VAV3: variants seen among roughly 807,000 people sequenced by gnomAD.
VAV3 encodes the protein vav guanine nucleotide exchange factor 3.
Under a neutral mutation model 131.2 loss-of-function variants are expected in VAV3, and 94 were observed. The observed-to-expected ratio is 0.72, with a 90% CI of 0.61 to 0.85. VAV3 has a LOEUF of 0.85. Ranked by LOEUF, VAV3 falls within the 40% of genes least tolerant of loss-of-function variation. The pLI is 0.00. For synonymous variants in VAV3, 349 were observed against 342.0 expected, an observed-to-expected ratio of 1.02 and a Z score of -0.22; for missense variants, 939 against 1,002.7, an observed-to-expected ratio of 0.94 and a Z score of 0.86.
intron 2 of VAV3, among the ~76,000 whole-genome samples, chr1:107,824,921 G>T (rs77646655): frequency 0.084 from 12,731 of 151,888 alleles, 730 homozygotes; most frequent in Non-Finnish European, 0.13. Context: ...AGAACCCACA[G>T]ATGCTGAAGA....
At position 107,964,923 on chromosome 1, in the gene VAV3, GCC is replaced by G. The variant is rs1356786430; in HGVS notation, c.-56_-55del. 2.3e-5 allele frequency: 23 copies of G among 985,856 alleles called. No homozygotes were observed. Among genetic ancestry groups the G allele is most frequent in the Non-Finnish European group, 2.5e-5 (21 of 828,772 alleles). 61.1% of individuals were successfully genotyped at this position (985,856 alleles called of 1,614,324 possible). A position where few individuals can be genotyped will look rare whatever the true frequency, so the allele number is the denominator to read the frequency against. On this transcript the variant is annotated 5_prime_UTR_variant, in exon 1 of 27. Coordinates refer to ENST00000370056, the MANE Select transcript of VAV3 (RefSeq NM_006113.5). ...CGGGGCGGGCGGCAAGGATGCGGCC[GCC>G]GCCGCCGCCGCCGCGGTTCCTCCGC...
intron 20 of VAV3, among the ~76,000 whole-genome samples, chr1:107,638,412 A>G (rs1655090466): frequency 6.6e-6 from 1 of 152,230 alleles, no homozygotes. Context: ...ATAAATTAAA[A>G]TATTAAAACT....
At chr1:107,586,907 A>G (rs1464730088) in intron 25 of VAV3, among the ~76,000 whole-genome samples, 1 of 152,156 alleles carries the variant, frequency 6.6e-6, no homozygotes, top group Admixed American at 6.5e-5. Flanking sequence ...ATAAAAGAAA[A>G]AAACTTAATT....
chr1:107,673,170 C>G (rs1329715234), intron 19 of VAV3, among the ~76,000 whole-genome samples: 1 of 152,118 alleles, frequency 6.6e-6, no homozygotes, highest in African/African-American at 2.4e-5. Context: ...TTCCTTTTTT[C>G]TGAAGAGTAT....
At chr1:107,929,224 C>G (rs1025767820) in intron 1 of VAV3, among the ~76,000 whole-genome samples, 1 of 140,630 alleles carries the variant, frequency 7.1e-6, no homozygotes, top group African/African-American at 2.7e-5. Flanking sequence ...GGAGGCAGAG[C>G]TTGCAGTGAG....
chr1:107,777,179 A>G, intron 4 of VAV3, 52 bp downstream of exon 4: 3 of 1,505,186 alleles, frequency 2.0e-6, no homozygotes, highest in Non-Finnish European at 2.8e-6. Flanking sequence ...AAAACCCACA[A>G]TGGACACATA....
intron 15 of VAV3, among the ~76,000 whole-genome samples, chr1:107,710,678 T>C (rs971594853): frequency 2.6e-5 from 4 of 152,142 alleles, no homozygotes; most frequent in African/African-American, 9.6e-5. Flanking sequence ...AGCCTACTAC[T>C]TAAGTTAATC....
At chr1:107,846,211 A>G (rs1668958946) in intron 2 of VAV3, among the ~76,000 whole-genome samples, 2 of 152,228 alleles carry the variant, frequency 1.3e-5, no homozygotes, top group South Asian at 4.1e-4. Flanking sequence ...CTTCATAAGC[A>G]AAGGAGAAAC....
chr1:107,857,844 C>T (rs550235431), intron 2 of VAV3, among the ~76,000 whole-genome samples: 39 of 152,030 alleles, frequency 2.6e-4, no homozygotes, highest in Non-Finnish European at 5.0e-4. Context: ...CCTTTTAGAT[C>T]AGCTGGAGTT....
At chr1:107,951,435 G>A (rs1674528561) in intron 1 of VAV3, among the ~76,000 whole-genome samples, 2 of 152,104 alleles carry the variant, frequency 1.3e-5, no homozygotes, top group Non-Finnish European at 1.5e-5. Flanking sequence ...CTGTACAAAT[G>A]TCTATAGAGA....
chr1:107,740,961 C>T (rs1379528963), intron 15 of VAV3, among the ~76,000 whole-genome samples: 2 of 152,174 alleles, frequency 1.3e-5, no homozygotes, highest in East Asian at 3.9e-4. Flanking sequence ...AATTTGTTGT[C>T]TCAACAGAAA....
chr1:107,930,958 G>C (rs773664721), intron 1 of VAV3, among the ~76,000 whole-genome samples: 17 of 152,182 alleles, frequency 1.1e-4, no homozygotes, highest in Non-Finnish European at 1.8e-4. Flanking sequence ...ATGACACCAT[G>C]AGAAAGCAAG....
intron 21 of VAV3, among the ~76,000 whole-genome samples, chr1:107,610,587 C>T (rs984141475): frequency 2.0e-5 from 3 of 151,966 alleles, no homozygotes; most frequent in Non-Finnish European, 4.4e-5. Context: ...AACTAAGAAC[C>T]TTTTATTCAG....
At chr1:107,883,851 A>T (rs1466939047) in intron 1 of VAV3, among the ~76,000 whole-genome samples, 3 of 152,158 alleles carry the variant, frequency 2.0e-5, no homozygotes, top group Non-Finnish European at 4.4e-5. Flanking sequence ...TTAGAAACTC[A>T]GTTTCAAAGG....
At chr1:107,946,266 C>T (rs895819144) in intron 1 of VAV3, among the ~76,000 whole-genome samples, 4 of 152,154 alleles carry the variant, frequency 2.6e-5, no homozygotes, top group Non-Finnish European at 5.9e-5. Flanking sequence ...GCACTATAAA[C>T]ACCCTGCAAT....
At chr1:107,644,824 T>A (rs895465848) in intron 19 of VAV3, among the ~76,000 whole-genome samples, 2 of 151,990 alleles carry the variant, frequency 1.3e-5, no homozygotes, top group African/African-American at 4.8e-5. Flanking sequence ...TGCTGCCTCA[T>A]ATGTCTTTCT....
At chr1:107,708,329 C>T (rs1372890465) in intron 15 of VAV3, among the ~76,000 whole-genome samples, 1 of 152,316 alleles carries the variant, frequency 6.6e-6, no homozygotes, top group Non-Finnish European at 1.5e-5. Flanking sequence ...TTAGTTAACT[C>T]GCTCAGTCAT....
At chr1:107,584,804 T>G (rs1023801116) in intron 25 of VAV3, among the ~76,000 whole-genome samples, 1 of 152,178 alleles carries the variant, frequency 6.6e-6, no homozygotes, top group Non-Finnish European at 1.5e-5. Context: ...AAACTAAGTA[T>G]AAGGTCTTTC....
At chr1:107,785,535 G>A (rs746164072) in intron 2 of VAV3, 94 of 1,281,464 alleles carry the variant, frequency 7.3e-5, no homozygotes, top group Non-Finnish European at 9.4e-5. Context: ...GGGGGTTCAA[G>A]AAGGGGTCCA....
Sources: gnomAD v4.1 joint callset for allele counts (sites outside exome capture counted in the v4.1 genomes callset) on GRCh38, gnomAD v4.1.1 for gene constraint, MANE v1.5 for transcripts, NCBI Gene and HGNC (gene_info 2026-07-23, HGNC 2026-07-21) for gene names.